TINAG: variants seen among roughly 807,000 people sequenced by gnomAD.
TINAG encodes tubulointerstitial nephritis antigen.
In TINAG, 83 loss-of-function variants were observed where a neutral mutation model predicts 72.7. The observed-to-expected ratio is 1.14, with a 90% confidence interval of 0.96 to 1.37. The LOEUF is 1.37. TINAG is among the 40% of genes most tolerant of loss of function. TINAG has a pLI of 0.00. For missense variants in TINAG, 685 were observed against 576.6 expected (o/e 1.19, Z -1.93); for synonymous variants, 234 against 189.9 (o/e 1.23, Z -1.91).
chr6:54,383,800 C>T (rs1312426370), intron 10 of TINAG, among the ~76,000 whole-genome samples: 1 of 151,870 alleles, frequency 6.6e-6, no homozygotes, highest in African/African-American at 2.4e-5. Context: ...TGTGGCAATT[C>T]CTCAAGAATC....
intron 1 of TINAG, among the ~76,000 whole-genome samples, chr6:54,316,298 T>C (rs7740970): frequency 6.6e-6 from 1 of 152,024 alleles, no homozygotes; most frequent in Non-Finnish European, 1.5e-5. Context: ...ACAAGGGTGG[T>C]ATGTGACTTT....
chr6:54,314,162 A>G (rs1447873640), intron 1 of TINAG, among the ~76,000 whole-genome samples: 5 of 152,216 alleles, frequency 3.3e-5, no homozygotes, highest in Non-Finnish European at 5.9e-5. Context: ...ACTATGTACC[A>G]TATAAGAACA....
chr6:54,373,316 C>A (rs1220368361), intron 9 of TINAG, among the ~76,000 whole-genome samples: 3 of 152,130 alleles, frequency 2.0e-5, no homozygotes, highest in African/African-American at 7.2e-5. Flanking sequence ...ATGAAGGCCA[C>A]CTCCTTACAT....
chr6:54,347,325 C>G (rs184904384), intron 5 of TINAG, 42 bp from the exon 6 acceptor site: 1 of 1,599,862 alleles, frequency 6.3e-7, no homozygotes, highest in Non-Finnish European at 8.5e-7. Flanking sequence ...TTAGAAATAC[C>G]GTGTATCATT....
chr6:54,312,784 T>A (rs1196054338), intron 1 of TINAG, among the ~76,000 whole-genome samples: 6 of 152,142 alleles, frequency 3.9e-5, no homozygotes, highest in African/African-American at 1.4e-4. Flanking sequence ...ATCTGACAAT[T>A]CTGCGTGCAA....
At chr6:54,372,723 CATACATATATATAT>C (rs1450433085) in intron 9 of TINAG, among the ~76,000 whole-genome samples, 1 of 122,598 alleles carries the variant, frequency 8.2e-6, no homozygotes, top group African/African-American at 3.2e-5. Flanking sequence ...TATATAAATA[CATACATATATATAT>C]ATATATATAT....
At chr6:54,367,435 A>G (rs988766441) in intron 9 of TINAG, among the ~76,000 whole-genome samples, 3 of 151,820 alleles carry the variant, frequency 2.0e-5, no homozygotes, top group African/African-American at 7.2e-5. Context: ...CTTGAAGTGC[A>G]CATAGTCTAA....
In TINAG at chr6:54,324,884, C is replaced by T. The variant is rs142870736; in HGVS notation, c.510-1918C>T. On this transcript the variant is annotated intron_variant, in intron 3 of 10. Transcript: ENST00000259782. ...AGAAATTCTCAATGGTACTCCATTGCTTGTGAAACATAAGTATTGTCCTTA... is the reference window on the plus strand; with the variant it reads ...AGAAATTCTCAATGGTACTCCATTGTTTGTGAAACATAAGTATTGTCCTTA... Among the ~76,000 whole-genome samples the T allele has an allele frequency of 3.7e-3, 560 of 152,278 alleles. 6 individuals carry two copies. Among genetic ancestry groups the T allele is most frequent in the African/African-American group, 0.013 (531 of 41,554 alleles).
chr6:54,372,242 T>C (rs903585302), intron 9 of TINAG, among the ~76,000 whole-genome samples: 1 of 151,988 alleles, frequency 6.6e-6, no homozygotes, highest in Non-Finnish European at 1.5e-5. Flanking sequence ...TCTGCCTACC[T>C]TGGCCTCCCA....
At chr6:54,363,122 A>G (rs1357268010) in intron 9 of TINAG, among the ~76,000 whole-genome samples, 2 of 151,562 alleles carry the variant, frequency 1.3e-5, no homozygotes, top group Non-Finnish European at 3.0e-5. Context: ...TATGCTTAGA[A>G]GACTACACAA....
chr6:54,314,192 C>G (rs1784321683), intron 1 of TINAG, among the ~76,000 whole-genome samples: 1 of 152,100 alleles, frequency 6.6e-6, no homozygotes, highest in Admixed American at 6.6e-5. Context: ...GGTGACAACC[C>G]TAACTAAAAT....
chr6:54,338,842 C>T (rs77314043), intron 4 of TINAG, among the ~76,000 whole-genome samples: 4,312 of 150,098 alleles, frequency 0.029, 200 homozygotes, highest in African/African-American at 0.096. Context: ...ACACCATGAA[C>T]ATTATTACCA....
chr6:54,326,669 G>A (rs533948406), intron 3 of TINAG, 133 bp from the exon 4 acceptor site: 7 of 598,168 alleles, frequency 1.2e-5, no homozygotes, highest in Middle Eastern at 7.0e-4. Flanking sequence ...AGAATATCTA[G>A]CCTGTGACAA....
chr6:54,347,873 C>T (rs1329525947), intron 6 of TINAG, among the ~76,000 whole-genome samples: 2 of 151,922 alleles, frequency 1.3e-5, no homozygotes, highest in African/African-American at 2.4e-5. Flanking sequence ...TTCAGTTACC[C>T]AGATTGATGA....
chr6:54,349,022 T>C (rs1582728577), intron 6 of TINAG, among the ~76,000 whole-genome samples: 1 of 152,076 alleles, frequency 6.6e-6, no homozygotes. Context: ...TATTATTATG[T>C]TTGAATTGGT....
chr6:54,338,668 G>A lies in TINAG; in HGVS notation c.625-4558G>A, dbSNP rs1310580653. On this transcript the variant is annotated intron_variant, in intron 4 of 10. Transcript: ENST00000259782. ...GAAACTGGGAGGCGGAGGTTGCAGT[G>A]AGCCTAGATCCCGCCACTGCACTCC... is the stretch of plus-strand genomic sequence containing the variant. 4.3e-5 allele frequency among the ~76,000 whole-genome samples: 6 copies of A among 138,884 alleles called. No homozygotes were observed. The Admixed American group carries it at 4.7e-4, about 11-fold the overall frequency. The allele number at this position is 138,884 out of a possible 152,430, so 91.1% of individuals were successfully genotyped here.
At chr6:54,345,921 C>CT (rs1469423599) in intron 5 of TINAG, among the ~76,000 whole-genome samples, 1 of 151,666 alleles carries the variant, frequency 6.6e-6, no homozygotes, top group Non-Finnish European at 1.5e-5. Context: ...TTTCAGGACA[C>CT]TAACAATTTT....
intron 5 of TINAG, 114 bp from the exon 6 acceptor site, chr6:54,347,253 A>C: frequency 1.0e-6 from 1 of 976,110 alleles, no homozygotes; most frequent in Non-Finnish European, 1.4e-6. Context: ...GGCTTTAATT[A>C]TAAATTATAC....
rs553378565 is a variant in TINAG, at chr6:54,349,909, G to A, written c.1080+13G>A. On this transcript the variant is annotated intron_variant, in intron 7 of 10. Coordinates refer to ENST00000259782, the MANE Select transcript of TINAG (RefSeq NM_014464.4). ...AGTCTCTTCCAACGTAAGTATAAAT[G>A]GCAAGAATCAAGAATAGTTGGCTTT... The A allele has an allele frequency of 1.7e-5, 26 of 1,515,532 alleles. No individual in the cohort carries two copies. The South Asian group carries it at 3.5e-4, about 21-fold the overall frequency. 93.9% of individuals were successfully genotyped at this position (1,515,532 alleles called of 1,614,324 possible). A position where few individuals can be genotyped will look rare whatever the true frequency, so the allele number is the denominator to read the frequency against.
Sources: gnomAD v4.1 joint callset for allele counts (sites outside exome capture counted in the v4.1 genomes callset) on GRCh38, gnomAD v4.1.1 for gene constraint, MANE v1.5 for transcripts, NCBI Gene and HGNC (gene_info 2026-07-23, HGNC 2026-07-21) for gene names.